Variants in CDKAL1 observed in about 807,000 individuals in gnomAD.
CDKAL1 encodes the protein CDKAL1 threonylcarbamoyladenosine tRNA methylthiotransferase.
In CDKAL1, 32 loss-of-function variants were observed where a neutral mutation model predicts 68.2. That is an observed-to-expected ratio of 0.47 (90% CI 0.35 to 0.63). CDKAL1 has a LOEUF of 0.63. Ranked by LOEUF, CDKAL1 falls within the 30% of genes least tolerant of loss-of-function variation. The pLI is 0.00. For missense variants in CDKAL1, 606 were observed against 696.7 expected (o/e 0.87, Z 1.47); for synonymous variants, 234 against 244.3 (o/e 0.96, Z 0.39).
intron 8 of CDKAL1, among the ~76,000 whole-genome samples, chr6:20,822,435 G>A (rs559955184): frequency 6.6e-6 from 1 of 152,098 alleles, no homozygotes; most frequent in South Asian, 2.1e-4. Flanking sequence ...TCGATAATCA[G>A]AACATGCCAC....
chr6:20,769,257 C>CTTTTTTT (rs371966986), intron 7 of CDKAL1, among the ~76,000 whole-genome samples: 3 of 114,998 alleles, frequency 2.6e-5, no homozygotes, highest in Non-Finnish European at 5.0e-5. Flanking sequence ...TTGTGATCAT[C>CTTTTTTT]TTTTTTTTTT....
At chr6:21,080,009 T>TGTGTGTGTGTGTGTGTGTG (rs1375751747) in intron 12 of CDKAL1, among the ~76,000 whole-genome samples, 42 of 151,266 alleles carry the variant, frequency 2.8e-4, no homozygotes, top group East Asian at 5.8e-4. Context: ...TGTGTGTGTG[T>TGTGTGTGTGTGTGTGTGTG]TTGAACCATG....
chr6:20,596,841 A>T (rs1386547432), intron 4 of CDKAL1, among the ~76,000 whole-genome samples: 1 of 152,160 alleles, frequency 6.6e-6, no homozygotes, highest in Non-Finnish European at 1.5e-5. Context: ...ATCTGGGCTG[A>T]AGTGCACTGT....
intron 11 of CDKAL1, among the ~76,000 whole-genome samples, chr6:21,045,683 C>T (rs1189695375): frequency 6.6e-6 from 1 of 152,188 alleles, no homozygotes; most frequent in Non-Finnish European, 1.5e-5. Flanking sequence ...ATCCTAATCC[C>T]AGGCCTTTTC....
chr6:20,821,268 C>T (rs1236243030), intron 8 of CDKAL1, among the ~76,000 whole-genome samples: 1 of 151,970 alleles, frequency 6.6e-6, no homozygotes, highest in African/African-American at 2.4e-5. Context: ...GATATCCTGT[C>T]GTGAAGTCCG....
At chr6:21,134,706 G>A (rs1045127294) in intron 13 of CDKAL1, among the ~76,000 whole-genome samples, 9 of 151,852 alleles carry the variant, frequency 5.9e-5, no homozygotes, top group Non-Finnish European at 1.2e-4. Context: ...ATTGCAGTGA[G>A]GTTTAATTAG....
chr6:21,160,531 C>T (rs1284033909), intron 13 of CDKAL1, among the ~76,000 whole-genome samples: 5 of 149,570 alleles, frequency 3.3e-5, no homozygotes, highest in South Asian at 2.1e-4. Flanking sequence ...CTTCTGACTT[C>T]GTGATCTACC....
rs1338893360 is a variant in CDKAL1, at chr6:21,190,964, A to C, written c.1300-7057A>C. Among the ~76,000 whole-genome samples, 4 of 152,362 alleles carry C rather than the reference A, an allele frequency of 2.6e-5. No homozygotes were observed. In the East Asian group the frequency reaches 7.7e-4, roughly 29 times the overall value. The stretch of plus-strand genomic sequence containing the variant: ...AGTAAAGTGAAAGTAAGAAGAAAAA[A>C]AAGTTATAAAGAGAAGAGCAACTTT... On this transcript the variant is annotated intron_variant, in intron 13 of 15. Coordinates refer to ENST00000274695, the MANE Select transcript of CDKAL1 (RefSeq NM_017774.3).
At chr6:20,710,612 C>T (rs538958838) in intron 5 of CDKAL1, among the ~76,000 whole-genome samples, 1 of 152,220 alleles carries the variant, frequency 6.6e-6, no homozygotes, top group South Asian at 2.1e-4. Context: ...AAACTGATAA[C>T]AATCAGTAAG....
chr6:20,953,498 A>G (rs773621444), intron 9 of CDKAL1, among the ~76,000 whole-genome samples: 3 of 152,230 alleles, frequency 2.0e-5, no homozygotes, highest in Non-Finnish European at 2.9e-5. Flanking sequence ...TCCTGTTTTT[A>G]TAACCTCTTT....
intron 12 of CDKAL1, among the ~76,000 whole-genome samples, chr6:21,088,933 C>T (rs1772848259): frequency 6.6e-6 from 1 of 152,156 alleles, no homozygotes; most frequent in Non-Finnish European, 1.5e-5. Context: ...CAGAGCAAGA[C>T]TCCATCTCAA....
chr6:21,207,540 C>G (rs1778987645), intron 15 of CDKAL1, among the ~76,000 whole-genome samples: 2 of 152,236 alleles, frequency 1.3e-5, no homozygotes, highest in South Asian at 4.2e-4. Context: ...ACTTTGCGTT[C>G]ATGGATTTCA....
At position 20,987,465 on chromosome 6, in the gene CDKAL1, G is replaced by A. The variant is rs1407174871; in HGVS notation, c.910-12762G>A. On this transcript the variant is annotated intron_variant, in intron 10 of 15. Transcript: ENST00000274695. The stretch of plus-strand genomic sequence containing the variant: ...AGACGGGGTTTTACCATGTTGGCCA[G>A]GCTGGTCTTGAATTCCTGACCTCAA... 2.0e-5 allele frequency among the ~76,000 whole-genome samples: 3 copies of A among 152,074 alleles called. No individual in the cohort carries two copies. In the East Asian group the frequency reaches 5.8e-4, roughly 29 times the overall value.
intron 13 of CDKAL1, among the ~76,000 whole-genome samples, chr6:21,177,224 T>C (rs944134522): frequency 6.6e-6 from 1 of 152,246 alleles, no homozygotes; most frequent in African/African-American, 2.4e-5. Context: ...TTGCATTGTT[T>C]TTAAAGTTAG....
At chr6:20,867,879 T>C (rs1336940178) in intron 9 of CDKAL1, among the ~76,000 whole-genome samples, 1 of 152,224 alleles carries the variant, frequency 6.6e-6, no homozygotes, top group Non-Finnish European at 1.5e-5. Context: ...TCACCATTAA[T>C]TCATTGTTGC....
intron 7 of CDKAL1, among the ~76,000 whole-genome samples, chr6:20,777,842 G>C (rs112167415): frequency 0.014 from 2,197 of 152,196 alleles, 42 homozygotes; most frequent in African/African-American, 0.05. Context: ...GGCACAGTAA[G>C]AGATTGACAA....
At chr6:21,077,720 C>T (rs1772149695) in intron 12 of CDKAL1, among the ~76,000 whole-genome samples, 2 of 152,202 alleles carry the variant, frequency 1.3e-5, no homozygotes, top group African/African-American at 4.8e-5. Flanking sequence ...GACCCAGTCA[C>T]CTCTCACCAG....
At chr6:20,652,709 C>T (rs1768830096) in intron 5 of CDKAL1, among the ~76,000 whole-genome samples, 1 of 152,066 alleles carries the variant, frequency 6.6e-6, no homozygotes, top group Admixed American at 6.6e-5. Context: ...CATTCTTTTT[C>T]CCCTTTATTG....
intron 13 of CDKAL1, among the ~76,000 whole-genome samples, chr6:21,113,925 G>T (rs1774255717): frequency 6.6e-6 from 1 of 151,606 alleles, no homozygotes; most frequent in East Asian, 1.9e-4. Flanking sequence ...GGGCAACAGA[G>T]CAAGAGCCCA....
Sources: allele counts gnomAD v4.1 joint callset (sites outside exome capture counted in the v4.1 genomes callset), GRCh38; gene constraint gnomAD v4.1.1; transcripts MANE v1.5; gene names NCBI Gene and HGNC (gene_info 2026-07-23, HGNC 2026-07-21).